The following DCC variants were observed in gnomAD, a reference collection of about 807,000 sequenced individuals.
The protein encoded by DCC is netrin receptor DCC.
In DCC, 58 loss-of-function variants were observed where a neutral mutation model predicts 172.5. The observed-to-expected ratio is 0.34, with a 90% CI of 0.27 to 0.42. The LOEUF is 0.42. DCC is among the 10% of genes least tolerant of loss of function. The pLI, the probability that DCC is intolerant of heterozygous loss-of-function variation, is 1.00. For synonymous variants in DCC, 709 were observed against 644.5 expected (o/e 1.10, Z -1.52); for missense variants, 1,740 against 1,791.0 (o/e 0.97, Z 0.51).
chr18:52,791,334 G>A (rs2145205793), intron 2 of DCC, among the ~76,000 whole-genome samples: 1 of 152,226 alleles, frequency 6.6e-6, no homozygotes, highest in Middle Eastern at 3.4e-3. Flanking sequence ...TGCACCCCAG[G>A]GGAGTGCATG....
intron 12 of DCC, among the ~76,000 whole-genome samples, chr18:53,296,065 A>G (rs1471939877): frequency 1.3e-5 from 2 of 152,200 alleles, no homozygotes; most frequent in Non-Finnish European, 2.9e-5. Context: ...AAGTGTTGCT[A>G]GACAATTTCT....
intron 27 of DCC, among the ~76,000 whole-genome samples, chr18:53,513,630 A>G (rs370910066): frequency 6.6e-6 from 1 of 152,134 alleles, no homozygotes; most frequent in Non-Finnish European, 1.5e-5. Flanking sequence ...TCTACCAAGC[A>G]AATGGAAAAC....
chr18:53,202,971 C>T (rs568091627), intron 9 of DCC, among the ~76,000 whole-genome samples: 10 of 152,080 alleles, frequency 6.6e-5, no homozygotes, highest in Non-Finnish European at 1.3e-4. Context: ...AAAACCTGAC[C>T]CTAAACTGGA....
intron 1 of DCC, among the ~76,000 whole-genome samples, chr18:52,415,026 C>T (rs1011868061): frequency 6.6e-6 from 1 of 152,228 alleles, no homozygotes; most frequent in Non-Finnish European, 1.5e-5. Context: ...CTACATTCTA[C>T]ATATGCTAAA....
chr18:52,480,859 A>G (rs2029930050), intron 1 of DCC, among the ~76,000 whole-genome samples: 1 of 152,088 alleles, frequency 6.6e-6, no homozygotes, highest in South Asian at 2.1e-4. Context: ...TTTTTTTTCA[A>G]CAATCTAATT....
In DCC at chr18:53,483,150, G is replaced by A. The variant is rs2045856886; in HGVS notation, c.3737-3647G>A. ...TTAAGGAATTTATAACATTTTGGCT[G>A]GTATCTGGTTTGAATCTCTGATTCT... is the stretch of plus-strand genomic sequence containing the variant. On this transcript the variant is annotated intron_variant, in intron 25 of 28. Coordinates refer to ENST00000442544, the MANE Select transcript of DCC (RefSeq NM_005215.4). Among the ~76,000 whole-genome samples the A allele has an allele frequency of 2.0e-5, 3 of 151,928 alleles. No homozygotes were observed. The South Asian group carries it at 6.2e-4, about 32-fold the overall frequency.
chr18:53,411,098 C>T (rs138526006), intron 20 of DCC, among the ~76,000 whole-genome samples: 3,494 of 150,620 alleles, frequency 0.023, 71 homozygotes, highest in Middle Eastern at 0.066. Flanking sequence ...AAAAAAAAGT[C>T]TATTTATTGT....
chr18:53,134,746 C>G (rs1345810119), intron 7 of DCC, among the ~76,000 whole-genome samples: 1 of 152,078 alleles, frequency 6.6e-6, no homozygotes, highest in Non-Finnish European at 1.5e-5. Context: ...CTTATTTTGT[C>G]CATTCACTTG....
intron 1 of DCC, among the ~76,000 whole-genome samples, chr18:52,709,316 ACTGT>A (rs1255179063): frequency 2.0e-5 from 3 of 152,238 alleles, no homozygotes; most frequent in African/African-American, 4.8e-5. Flanking sequence ...AGAAAGACTG[ACTGT>A]CTAATTCCAA....
intron 5 of DCC, among the ~76,000 whole-genome samples, chr18:52,972,805 G>C (rs1054525371): frequency 6.6e-6 from 1 of 152,080 alleles, no homozygotes. Flanking sequence ...CTATTTATTT[G>C]GTGCTTAGCA....
intron 2 of DCC, among the ~76,000 whole-genome samples, chr18:52,791,798 T>G (rs1353334205): frequency 6.6e-6 from 1 of 152,110 alleles, no homozygotes; most frequent in Non-Finnish European, 1.5e-5. Flanking sequence ...GCATCTACCC[T>G]TAGAGAATGG....
intron 1 of DCC, among the ~76,000 whole-genome samples, chr18:52,381,993 G>A (rs1246605514): frequency 6.6e-6 from 1 of 152,090 alleles, no homozygotes; most frequent in African/African-American, 2.4e-5. Flanking sequence ...AAATAATGCT[G>A]CCTCTTAGTT....
intron 1 of DCC, among the ~76,000 whole-genome samples, chr18:52,747,440 G>T (rs1187625078): frequency 6.6e-6 from 1 of 152,186 alleles, no homozygotes; most frequent in African/African-American, 2.4e-5. Flanking sequence ...ATTCTAATAT[G>T]AAATTCTCTG....
intron 1 of DCC, among the ~76,000 whole-genome samples, chr18:52,405,887 A>C (rs1395288756): frequency 6.6e-6 from 1 of 151,812 alleles, no homozygotes; most frequent in Non-Finnish European, 1.5e-5. Flanking sequence ...CAAAAGAACA[A>C]AGCTGGAGGC....
At chr18:52,577,501 T>C (rs1404227970) in intron 1 of DCC, among the ~76,000 whole-genome samples, 1 of 152,186 alleles carries the variant, frequency 6.6e-6, no homozygotes, top group African/African-American at 2.4e-5. Flanking sequence ...ATCCCAAAGT[T>C]GAATTCTTAA....
chr18:53,124,202 A>C (rs1224187012), intron 7 of DCC, among the ~76,000 whole-genome samples: 1 of 152,080 alleles, frequency 6.6e-6, no homozygotes, highest in Non-Finnish European at 1.5e-5. Flanking sequence ...TTTTAGGTTT[A>C]ACTTTATTAT....
chr18:53,140,559 T>G lies in DCC; in HGVS notation c.1262-16797T>G, dbSNP rs1370336453. Among the ~76,000 whole-genome samples the G allele has an allele frequency of 5.3e-5, 8 of 152,298 alleles. No individual in the cohort carries two copies. The East Asian group carries it at 1.5e-3, about 29-fold the overall frequency. Reference sequence around the variant, plus strand: ...ATTCGGTAGTTTGTTTTCATATCCTTATCATTTAAATAAAACATTGTCATG... The same window carrying G: ...ATTCGGTAGTTTGTTTTCATATCCTGATCATTTAAATAAAACATTGTCATG... On this transcript the variant is annotated intron_variant, in intron 7 of 28. Coordinates refer to ENST00000442544, the MANE Select transcript of DCC (RefSeq NM_005215.4).
intron 2 of DCC, among the ~76,000 whole-genome samples, chr18:52,853,707 G>C (rs1287345982): frequency 6.6e-6 from 1 of 152,214 alleles, no homozygotes; most frequent in African/African-American, 2.4e-5. Context: ...TCTGTCTAAT[G>C]TTTCACTACT....
At chr18:53,400,311 A>G (rs1909217642) in intron 18 of DCC, among the ~76,000 whole-genome samples, 3 of 152,104 alleles carry the variant, frequency 2.0e-5, no homozygotes, top group Admixed American at 2.0e-4. Flanking sequence ...AGCAGGTGTC[A>G]GAAAGATGAT....
Sources: gnomAD v4.1 joint callset for allele counts (sites outside exome capture counted in the v4.1 genomes callset) on GRCh38, gnomAD v4.1.1 for gene constraint, MANE v1.5 for transcripts, NCBI Gene and HGNC (gene_info 2026-07-23, HGNC 2026-07-21) for gene names.